Variants in SNX8 observed in about 807,000 individuals in gnomAD.
SNX8 encodes the protein sorting nexin 8.
SNX8 carries 25 observed loss-of-function variants against 51.6 expected under a neutral mutation model. The ratio of observed to expected loss-of-function variants is 0.48; its 90% CI spans 0.35 to 0.68. The LOEUF is 0.68. Ranked by LOEUF, SNX8 falls within the 30% of genes least tolerant of loss-of-function variation. SNX8 has a pLI of 0.00. For synonymous variants in SNX8, 324 were observed against 277.0 expected, an observed-to-expected ratio of 1.17 and a Z score of -1.68; for missense variants, 695 against 624.0, an observed-to-expected ratio of 1.11 and a Z score of -1.21.
intron 1 of SNX8, among the ~76,000 whole-genome samples, chr7:2,281,831 C>A (rs573870534): frequency 2.0e-5 from 3 of 152,152 alleles, no homozygotes; most frequent in African/African-American, 7.2e-5. Context: ...CAAATCCGTG[C>A]GGTGGGTGTA....
intron 10 of SNX8, among the ~76,000 whole-genome samples, chr7:2,256,013 A>G (rs982858749): frequency 1.3e-5 from 2 of 152,010 alleles, no homozygotes; most frequent in Non-Finnish European, 2.9e-5. Flanking sequence ...ACAATAAAAA[A>G]CCTGGTAGGA....
chr7:2,335,655 T>C (rs1778812799), intron 1 of SNX8, among the ~76,000 whole-genome samples: 1 of 151,656 alleles, frequency 6.6e-6, no homozygotes, highest in Admixed American at 6.6e-5. Flanking sequence ...AGAAAAAAAT[T>C]AGCTGGGCGT....
chr7:2,330,677 C>G (rs186913213), intron 1 of SNX8, among the ~76,000 whole-genome samples: 181 of 152,170 alleles, frequency 1.2e-3, no homozygotes, highest in Admixed American at 2.4e-3. Flanking sequence ...AGTCTCAGAG[C>G]TGAGTGGAGG....
intron 1 of SNX8, among the ~76,000 whole-genome samples, chr7:2,280,261 TA>T (rs1236039154): frequency 6.6e-6 from 1 of 152,194 alleles, no homozygotes; most frequent in African/African-American, 2.4e-5. Flanking sequence ...GAATAATGTT[TA>T]AAAAGTCAGT....
intron 1 of SNX8, among the ~76,000 whole-genome samples, chr7:2,351,697 G>GGT (rs1562467120): frequency 2.0e-5 from 3 of 151,688 alleles, no homozygotes; most frequent in Non-Finnish European, 2.9e-5. Context: ...CGGGTGTGGT[G>GGT]GCAGGCGCCT....
intron 1 of SNX8, among the ~76,000 whole-genome samples, chr7:2,296,284 C>T (rs1796271447): frequency 6.6e-6 from 1 of 151,966 alleles, no homozygotes. Context: ...TTGTAGAGAT[C>T]TTTCACATCC....
intron 1 of SNX8, among the ~76,000 whole-genome samples, chr7:2,280,723 C>T (rs78275492): frequency 0.031 from 4,663 of 151,718 alleles, 237 homozygotes; most frequent in African/African-American, 0.11. Context: ...ATCTCAATAA[C>T]TTCTATGTAC....
In SNX8 at chr7:2,284,790, A is replaced by T. The variant is rs371817786; in HGVS notation, c.95-6485T>A. Among the ~76,000 whole-genome samples the T allele has an allele frequency of 4.6e-5, 7 of 152,314 alleles. No homozygotes were observed. The East Asian group carries it at 7.7e-4, about 17-fold the overall frequency. On this transcript the variant is annotated intron_variant, in intron 1 of 10. Transcript: ENST00000222990. ...TTTCCACTGAAATCAAATGAAAGAC[A>T]GTCCGCAGATGTCTTCAATTTTCAA...
At chr7:2,260,688 T>A (rs1343638203) in intron 7 of SNX8, among the ~76,000 whole-genome samples, 1 of 152,148 alleles carries the variant, frequency 6.6e-6, no homozygotes, top group African/African-American at 2.4e-5. Context: ...AAGGGTGAGA[T>A]GGAACTTCTG....
In SNX8 at chr7:2,264,392, T is replaced by G. The variant is rs1795414554; in HGVS notation, c.688A>C (p.Asn230His). 2 of 1,612,752 alleles carry G rather than the reference T, an allele frequency of 1.2e-6. No homozygotes were observed. Among genetic ancestry groups the G allele is most frequent in the South Asian group, 1.1e-5 (1 of 91,090 alleles). ...CTGTCGCGAAGCTTGTGAAAGCTAT[T>G]GTAGATGTTCCGGATCAGCTCCCGG... ...ISRELIRNIY[N>H]SFHKLRDRAE... Residue 230 changes from asparagine to histidine, a missense_variant, in exon 6 of 11, where the codon AAT becomes CAT. Coordinates refer to ENST00000222990, the MANE Select transcript of SNX8 (RefSeq NM_013321.4).
chr7:2,330,115 G>GC (rs1562460084), intron 1 of SNX8, among the ~76,000 whole-genome samples: 1 of 143,776 alleles, frequency 7.0e-6, no homozygotes, highest in East Asian at 2.2e-4. Context: ...ACAGGCATGA[G>GC]CCACTGCGCC....
intron 1 of SNX8, among the ~76,000 whole-genome samples, chr7:2,351,637 C>G (rs1436849813): frequency 6.6e-5 from 10 of 151,836 alleles, no homozygotes; most frequent in Admixed American, 2.0e-4. Context: ...GTGAGACCAT[C>G]CTGACTAACA....
At chr7:2,326,549 C>T (rs778129567) in intron 1 of SNX8, among the ~76,000 whole-genome samples, 7 of 151,740 alleles carry the variant, frequency 4.6e-5, no homozygotes, top group Non-Finnish European at 1.0e-4. Flanking sequence ...GTCTGTAGTC[C>T]CAGCTACTCG....
intron 1 of SNX8, among the ~76,000 whole-genome samples, chr7:2,344,913 C>T (rs1428121471): frequency 6.6e-6 from 1 of 152,192 alleles, no homozygotes; most frequent in Non-Finnish European, 1.5e-5. Flanking sequence ...TTGAATCAGA[C>T]ATCTACTTAC....
intron 1 of SNX8, among the ~76,000 whole-genome samples, chr7:2,344,270 T>C (rs1262650571): frequency 6.6e-6 from 1 of 151,488 alleles, no homozygotes; most frequent in Non-Finnish European, 1.5e-5. Flanking sequence ...TCGCTTGAGC[T>C]CAGGAGTTCA....
intron 1 of SNX8, among the ~76,000 whole-genome samples, chr7:2,279,762 G>GAAA (rs796698660): frequency 2.1e-5 from 2 of 94,980 alleles, no homozygotes; most frequent in Non-Finnish European, 2.2e-5. Flanking sequence ...CAAAAAAAAA[G>GAAA]AAAAAAAAAA....
At chr7:2,263,464 G>A in intron 6 of SNX8, 102 bp from the exon 7 acceptor site, 2 of 1,201,238 alleles carry the variant, frequency 1.7e-6, no homozygotes, top group Non-Finnish European at 2.3e-6. Context: ...ACGGCAACCT[G>A]CGTGACCCCG....
intron 1 of SNX8, among the ~76,000 whole-genome samples, chr7:2,280,789 G>GC (rs1322830753): frequency 3.2e-5 from 4 of 123,630 alleles, no homozygotes; most frequent in Non-Finnish European, 3.3e-5. Flanking sequence ...AAACTAGAAT[G>GC]CCCTTTTTTT....
rs371214315 is a variant in SNX8, at chr7:2,271,925, G to A, written c.465C>T (p.Phe155=). ...IEARRRALKR[F]VNLVARHPLF... The stretch of plus-strand genomic sequence containing the variant: ...GGGGGTGTCGCGCCACCAGGTTGAC[G>A]AAGCGCTTCAGGGCTCTCCTCCTGG... Residue 155 remains phenylalanine (F), a synonymous_variant, in exon 4 of 11, where the codon TTC becomes TTT. Coordinates refer to ENST00000222990, the MANE Select transcript of SNX8 (RefSeq NM_013321.4). The A allele has an allele frequency of 6.1e-5, 99 of 1,613,980 alleles. No individual in the cohort carries two copies. Among genetic ancestry groups the A allele is most frequent in the Middle Eastern group, 1.6e-4 (1 of 6,084 alleles).
Sources: gnomAD v4.1 joint callset for allele counts (sites outside exome capture counted in the v4.1 genomes callset) on GRCh38, gnomAD v4.1.1 for gene constraint, MANE v1.5 for transcripts, NCBI Gene and HGNC (gene_info 2026-07-23, HGNC 2026-07-21) for gene names.